The following CAMK1D variants were observed in gnomAD, a reference collection of about 807,000 sequenced individuals.
The protein encoded by CAMK1D is calcium/calmodulin dependent protein kinase ID, also known as calcium/calmodulin-dependent protein kinase type 1D.
In CAMK1D, 9 loss-of-function variants were observed where a neutral mutation model predicts 47.7. That is an observed-to-expected ratio of 0.19 (90% confidence interval 0.11 to 0.33). The LOEUF (loss-of-function observed/expected upper bound fraction) is 0.33, where lower values mean the gene tolerates loss of function less well. Ranked by LOEUF, CAMK1D falls within the 10% of genes least tolerant of loss-of-function variation. The probability of loss-of-function intolerance (pLI) is 1.00; values close to 1 mark genes in which losing one functional copy is unlikely to be tolerated. For synonymous variants in CAMK1D, 184 were observed against 184.9 expected (o/e 0.99, Z 0.04); for missense variants, 291 against 488.7 (o/e 0.60, Z 3.81).
chr10:12,531,166 A>G (rs931905101), intron 1 of CAMK1D, among the ~76,000 whole-genome samples: 2 of 152,190 alleles, frequency 1.3e-5, no homozygotes, highest in Non-Finnish European at 2.9e-5. Flanking sequence ...ACCAGGCAGC[A>G]TATGCCTTCA....
intron 2 of CAMK1D, among the ~76,000 whole-genome samples, chr10:12,660,734 C>A (rs1840251335): frequency 6.6e-6 from 1 of 152,110 alleles, no homozygotes; most frequent in Non-Finnish European, 1.5e-5. Flanking sequence ...TTACTTTGGG[C>A]CTGGTAAATG....
intron 1 of CAMK1D, among the ~76,000 whole-genome samples, chr10:12,410,836 C>T (rs1839631579): frequency 6.6e-6 from 1 of 152,176 alleles, no homozygotes; most frequent in Non-Finnish European, 1.5e-5. Context: ...ATATTCTTCA[C>T]TCTGCCCTCT....
chr10:12,725,938 G>A (rs1368576723), intron 3 of CAMK1D, among the ~76,000 whole-genome samples: 1 of 151,852 alleles, frequency 6.6e-6, no homozygotes, highest in African/African-American at 2.4e-5. Flanking sequence ...TGTATTTTTA[G>A]TATAGACGGG....
At chr10:12,556,122 A>G (rs10906169) in intron 2 of CAMK1D, among the ~76,000 whole-genome samples, 50,860 of 151,936 alleles carry the variant, frequency 0.33, 8,743 homozygotes, top group Middle Eastern at 0.37. Context: ...AAGGTGATCT[A>G]TAGTAACTCC....
In CAMK1D at chr10:12,408,001, G is replaced by A. The variant is rs185631304; in HGVS notation, c.92+58091G>A. On this transcript the variant is annotated intron_variant, in intron 1 of 10. Transcript: ENST00000619168. ...GCCTCCTGAGTAGCTGGGATTACAG[G>A]TGTGTCCCACCACGCCCAGCTAATT... is the stretch of plus-strand genomic sequence containing the variant. Among the ~76,000 whole-genome samples the A allele has an allele frequency of 4.6e-5, 7 of 152,034 alleles. 1 individual carries two copies. The East Asian group carries it at 1.2e-3, about 25-fold the overall frequency.
At chr10:12,669,210 C>T (rs187341017) in intron 3 of CAMK1D, among the ~76,000 whole-genome samples, 4 of 151,254 alleles carry the variant, frequency 2.6e-5, no homozygotes, top group Non-Finnish European at 4.4e-5. Context: ...CCAGCCTGGG[C>T]GACAGGGCAA....
At chr10:12,804,552 T>A (rs1341890174) in intron 6 of CAMK1D, among the ~76,000 whole-genome samples, 2 of 152,010 alleles carry the variant, frequency 1.3e-5, no homozygotes, top group Non-Finnish European at 2.9e-5. Context: ...AGGTGGAGAT[T>A]GTACCATTGT....
intron 3 of CAMK1D, among the ~76,000 whole-genome samples, chr10:12,727,233 T>C (rs969267394): frequency 1.3e-5 from 2 of 152,178 alleles, no homozygotes; most frequent in African/African-American, 4.8e-5. Flanking sequence ...TGAAGACTTT[T>C]TAAAACAATC....
At chr10:12,641,254 C>A (rs1302851368) in intron 2 of CAMK1D, among the ~76,000 whole-genome samples, 2 of 152,216 alleles carry the variant, frequency 1.3e-5, no homozygotes, top group African/African-American at 4.8e-5. Context: ...CAAGCGTCAG[C>A]TACCGCCCCC....
intron 1 of CAMK1D, among the ~76,000 whole-genome samples, chr10:12,515,457 G>A (rs1352215017): frequency 3.9e-5 from 4 of 102,842 alleles, no homozygotes; most frequent in African/African-American, 1.5e-4. Context: ...TAGGGTACAC[G>A]TGCACATTGT....
At position 12,357,955 on chromosome 10, in the gene CAMK1D, A is replaced by T. The variant is rs141390362; in HGVS notation, c.92+8045A>T. ...TAGATCAAAGGTCACCTCCAAATAC[A>T]TGCCGTAGGTCAAGTTCATTCCGCC... On this transcript the variant is annotated intron_variant, in intron 1 of 10. Coordinates refer to ENST00000619168, the MANE Select transcript of CAMK1D (RefSeq NM_153498.4). Among the ~76,000 whole-genome samples, 758 of 152,262 alleles carry T rather than the reference A, an allele frequency of 5.0e-3. 2 individuals are homozygous for T. The highest frequency in any genetic ancestry group is 7.7e-3 in the Non-Finnish European group (524 of 68,024).
chr10:12,646,767 C>T (rs1427319194), intron 2 of CAMK1D, among the ~76,000 whole-genome samples: 2 of 152,162 alleles, frequency 1.3e-5, no homozygotes, highest in African/African-American at 4.8e-5. Context: ...AATTATAGGA[C>T]ATTACTCGAT....
chr10:12,571,847 A>G (rs112144874), intron 2 of CAMK1D, among the ~76,000 whole-genome samples: 3,509 of 152,186 alleles, frequency 0.023, 48 homozygotes, highest in Non-Finnish European at 0.036. Flanking sequence ...AAATTGTACT[A>G]TTTTCACAAG....
intron 1 of CAMK1D, among the ~76,000 whole-genome samples, chr10:12,351,486 G>A (rs1389956545): frequency 6.6e-6 from 1 of 152,150 alleles, no homozygotes; most frequent in Non-Finnish European, 1.5e-5. Context: ...CACTGTGGCC[G>A]CCAATGAGGA....
chr10:12,776,341 T>C (rs1181093606), intron 5 of CAMK1D, among the ~76,000 whole-genome samples: 1 of 152,174 alleles, frequency 6.6e-6, no homozygotes, highest in Non-Finnish European at 1.5e-5. Context: ...GATGAACAGA[T>C]TGCAGATGCC....
At chr10:12,617,505 G>A (rs188572205) in intron 2 of CAMK1D, among the ~76,000 whole-genome samples, 1 of 152,130 alleles carries the variant, frequency 6.6e-6, no homozygotes, top group Non-Finnish European at 1.5e-5. Context: ...TGCAGGCTAT[G>A]ATGGCCAGAA....
intron 1 of CAMK1D, among the ~76,000 whole-genome samples, chr10:12,385,094 A>G (rs1838451518): frequency 6.6e-6 from 1 of 152,208 alleles, no homozygotes; most frequent in African/African-American, 2.4e-5. Context: ...ATAAAAAGAT[A>G]GATAATAACA....
rs1328219029 is a variant in CAMK1D at position 12,819,142 on chromosome 10, CAAAG to C, written c.833+2817_833+2820del. ...CCTTCACCAAACATTTTGGAAAAAA[CAAAG>C]AAGGGAGAGGTCAGTTTTCCCGAGG... On this transcript the variant is annotated intron_variant, in intron 8 of 10. Coordinates refer to ENST00000619168, the MANE Select transcript of CAMK1D (RefSeq NM_153498.4). Among the ~76,000 whole-genome samples the C allele has an allele frequency of 5.3e-5, 8 of 152,232 alleles. No homozygotes were observed. The East Asian group carries it at 1.2e-3, about 22-fold the overall frequency.
intron 3 of CAMK1D, among the ~76,000 whole-genome samples, chr10:12,756,596 A>G (rs1037468588): frequency 2.4e-4 from 37 of 152,220 alleles, no homozygotes; most frequent in Non-Finnish European, 4.7e-4. Flanking sequence ...ACACAATACA[A>G]TGGCATTATA....
Sources: allele counts gnomAD v4.1 joint callset (sites outside exome capture counted in the v4.1 genomes callset), GRCh38; gene constraint gnomAD v4.1.1; transcripts MANE v1.5; gene names NCBI Gene and HGNC (gene_info 2026-07-23, HGNC 2026-07-21).